The following KCNMA1 variants were observed in gnomAD, a reference collection of about 807,000 sequenced individuals.
The protein encoded by KCNMA1 is potassium calcium-activated channel subfamily M alpha 1.
In KCNMA1, 29 loss-of-function variants were observed where a neutral mutation model predicts 140.0. The observed-to-expected ratio is 0.21, with a 90% confidence interval of 0.15 to 0.28. KCNMA1 has a LOEUF of 0.28. Among genes scored for constraint, KCNMA1 ranks in the 10% least tolerant of loss-of-function variants. The pLI is 1.00. For synonymous variants in KCNMA1, 612 were observed against 611.9 expected (o/e 1.00, Z 0.00); for missense variants, 880 against 1,602.2 (o/e 0.55, Z 7.70).
chr10:77,048,613 G>A (rs947195528), intron 14 of KCNMA1, among the ~76,000 whole-genome samples: 1 of 152,172 alleles, frequency 6.6e-6, no homozygotes, highest in African/African-American at 2.4e-5. Flanking sequence ...CTCAATAATA[G>A]TTTCTGAATG....
Position 77,315,886 on chromosome 10 carries a change from C to A in KCNMA1, c.541-64630G>T, listed in dbSNP as rs558942430. On this transcript the variant is annotated intron_variant, in intron 2 of 27. Transcript: ENST00000286628. ...GTGGAGGATCCCATCACCACATAAT[C>A]ATTCTAGACTGTGGGTTCTCTGTGG... 2.0e-4 allele frequency among the ~76,000 whole-genome samples: 30 copies of A among 152,274 alleles called. No homozygotes were observed. The East Asian group carries it at 3.7e-3, about 19-fold the overall frequency.
chr10:77,070,755 A>T (rs571188987), intron 14 of KCNMA1, among the ~76,000 whole-genome samples: 1 of 152,308 alleles, frequency 6.6e-6, no homozygotes, highest in Non-Finnish European at 1.5e-5. Flanking sequence ...CATGCCAAGG[A>T]GGGTGCCATT....
At chr10:76,936,069 T>C (rs1437813895) in intron 23 of KCNMA1, among the ~76,000 whole-genome samples, 1 of 152,206 alleles carries the variant, frequency 6.6e-6, no homozygotes, top group Non-Finnish European at 1.5e-5. Flanking sequence ...TGTGATGAAA[T>C]ATGCTATATA....
Position 77,637,314 on chromosome 10 carries a change from G to A in KCNMA1, c.329C>T (p.Thr110Met), listed in dbSNP as rs772934866. ...GGLFIILLWR[T>M]LKYLWTVCCH... ...GCACACGGTCCACAGGTACTTGAGC[G>A]TCCGCCAGAGCAAGATGATGAAGAG... The change falls in exon 1 of 28, where the codon ACG becomes ATG. Residue 110 changes from threonine (T) to methionine (M), a missense_variant. This residue lies in a region of KCNMA1 where 31 missense variants were observed against 75.0 expected (regional missense o/e 0.41). Transcript: ENST00000286628. 1 of 1,613,602 alleles carries A rather than the reference G, an allele frequency of 6.2e-7. No individual in the cohort carries two copies. Among genetic ancestry groups the A allele is most frequent in the South Asian group, 1.1e-5 (1 of 90,956 alleles).
At chr10:76,882,052 C>A (rs2034896566), downstream of KCNMA1, among the ~76,000 whole-genome samples, 1 of 152,176 alleles carries the variant, frequency 6.6e-6, no homozygotes, top group South Asian at 2.1e-4. Flanking sequence ...AGCCACAGGG[C>A]TGCAGGTCAC....
At chr10:76,969,860 C>G (rs1043264035) in intron 20 of KCNMA1, 114 bp downstream of exon 20, 12 of 791,536 alleles carry the variant, frequency 1.5e-5, no homozygotes, top group Middle Eastern at 3.3e-4. Context: ...TCCCCTCCCC[C>G]ACCCCGGGCT....
chr10:77,191,150 G>T (rs1425905457), intron 3 of KCNMA1, among the ~76,000 whole-genome samples: 1 of 152,180 alleles, frequency 6.6e-6, no homozygotes, highest in Non-Finnish European at 1.5e-5. Context: ...GCCTACACTG[G>T]AATAAAAGCA....
intron 3 of KCNMA1, among the ~76,000 whole-genome samples, chr10:77,204,566 A>T (rs541507601): frequency 6.6e-6 from 1 of 152,338 alleles, no homozygotes; most frequent in East Asian, 1.9e-4. Flanking sequence ...TGTAAACATT[A>T]TAAAATTAAT....
chr10:77,573,575 A>G (rs1459992583), intron 1 of KCNMA1, among the ~76,000 whole-genome samples: 1 of 152,036 alleles, frequency 6.6e-6, no homozygotes, highest in Admixed American at 6.6e-5. Context: ...CAGGAAATCT[A>G]TGTAACAGGT....
At chr10:77,629,475 A>C (rs1555518631) in intron 1 of KCNMA1, among the ~76,000 whole-genome samples, 1 of 152,142 alleles carries the variant, frequency 6.6e-6, no homozygotes, top group Non-Finnish European at 1.5e-5. Context: ...TTACCCAAAA[A>C]AGCAGGAAAA....
chr10:76,977,325 T>A (rs2077921634), intron 19 of KCNMA1, among the ~76,000 whole-genome samples: 1 of 152,154 alleles, frequency 6.6e-6, no homozygotes, highest in African/African-American at 2.4e-5. Flanking sequence ...GTGTTTACAT[T>A]TTTAAGTCAT....
intron 1 of KCNMA1, among the ~76,000 whole-genome samples, chr10:77,451,178 A>C (rs2154519997): frequency 6.6e-6 from 1 of 152,306 alleles, no homozygotes; most frequent in East Asian, 1.9e-4. Context: ...CTAGAGCCTC[A>C]GCTGAAGCCA....
chr10:77,490,041 T>C (rs554478224), intron 1 of KCNMA1, among the ~76,000 whole-genome samples: 51 of 152,280 alleles, frequency 3.3e-4, no homozygotes, highest in South Asian at 6.2e-4. Flanking sequence ...CTGTGTATTA[T>C]AAGATGAGCA....
intron 1 of KCNMA1, among the ~76,000 whole-genome samples, chr10:77,621,170 AG>A (rs2091254629): frequency 6.6e-6 from 1 of 152,226 alleles, no homozygotes; most frequent in Non-Finnish European, 1.5e-5. Context: ...GAGAGGCACA[AG>A]GAATTGATCT....
intron 25 of KCNMA1, among the ~76,000 whole-genome samples, chr10:76,898,546 T>G: frequency 6.6e-6 from 1 of 151,472 alleles, no homozygotes; most frequent in East Asian, 1.9e-4. Flanking sequence ...AACCATCAAA[T>G]CTCAATACAT....
chr10:76,945,362 G>A (rs1038395791), intron 22 of KCNMA1, among the ~76,000 whole-genome samples: 1 of 152,100 alleles, frequency 6.6e-6, no homozygotes, highest in Admixed American at 6.5e-5. Flanking sequence ...ACAAGGGGGT[G>A]GGTTTCAAAT....
At chr10:77,533,649 T>G (rs2058223685) in intron 1 of KCNMA1, among the ~76,000 whole-genome samples, 1 of 152,140 alleles carries the variant, frequency 6.6e-6, no homozygotes, top group African/African-American at 2.4e-5. Context: ...CACCAAACTC[T>G]GACAGCATTA....
chr10:76,949,016 TC>T (rs1316365665), intron 22 of KCNMA1, 125 bp downstream of exon 22: 1 of 858,456 alleles, frequency 1.2e-6, no homozygotes, highest in Non-Finnish European at 2.0e-6. Flanking sequence ...AAGTGCTGAG[TC>T]CTCAGGCCCA....
At chr10:77,308,448 C>T (rs993960068) in intron 2 of KCNMA1, among the ~76,000 whole-genome samples, 1 of 152,154 alleles carries the variant, frequency 6.6e-6, no homozygotes, top group Non-Finnish European at 1.5e-5. Flanking sequence ...AGGGAAAGCC[C>T]CTGCTCTCTT....
Sources: gnomAD v4.1 joint callset for allele counts (sites outside exome capture counted in the v4.1 genomes callset) on GRCh38, gnomAD v4.1.1 for gene constraint, gnomAD v4.1.1 regional missense constraint, MANE v1.5 for transcripts, NCBI Gene and HGNC (gene_info 2026-07-23, HGNC 2026-07-21) for gene names.